Variants in SMAD6 observed in about 807,000 individuals in gnomAD.
The protein encoded by SMAD6 is MAD homolog 6.
In SMAD6, 103 loss-of-function variants were observed where a neutral mutation model predicts 39.4. The ratio of observed to expected loss-of-function variants is 2.62; its 90% CI spans 2.23 to 3.08. The LOEUF (loss-of-function observed/expected upper bound fraction) is 3.08. Ranked by LOEUF, SMAD6 falls within the 30% of genes most tolerant of loss-of-function variation. The pLI is 0.00. For missense variants in SMAD6, 1,104 were observed against 742.9 expected (o/e 1.49, Z -5.65); for synonymous variants, 445 against 353.3 (o/e 1.26, Z -2.91).
In SMAD6 at chr15:66,781,128, C is replaced by T. The variant is rs1894556452; in HGVS notation, c.1084C>T (p.Gln362Ter). 1.9e-6 allele frequency: 3 copies of T among 1,608,892 alleles called. No homozygotes were observed. The highest frequency in any genetic ancestry group is 2.5e-6 in the Non-Finnish European group (3 of 1,179,768). ...CGTCAGCATCTTCTACGACCTACCT[C>T]AGGGCAGCGGCTTCTGCCTGGGCCA... is the stretch of plus-strand genomic sequence containing the variant. ...QAVSIFYDLP[Q>*]GSGFCLGQLN... Residue 362 changes from glutamine to a stop codon, truncating the protein, a stop_gained, in exon 4 of 4, where the codon CAG becomes TAG. Transcript: ENST00000288840. LOFTEE classifies it high-confidence loss of function.
At chr15:66,764,464 A>G (rs1567111333) in intron 3 of SMAD6, among the ~76,000 whole-genome samples, 1 of 152,088 alleles carries the variant, frequency 6.6e-6, no homozygotes, top group Non-Finnish European at 1.5e-5. Flanking sequence ...AAGAGACAAA[A>G]GCGTCCCTTC....
At position 66,704,034 on chromosome 15, in the gene SMAD6, T is replaced by A; in HGVS notation, c.776T>A (p.Val259Glu). 6.6e-7 allele frequency: 1 copy of A among 1,513,794 alleles called. No homozygotes were observed. Among genetic ancestry groups the A allele is most frequent in the East Asian group, 2.8e-5 (1 of 35,808 alleles). 93.8% of individuals were successfully genotyped at this position (1,513,794 alleles called of 1,614,324 possible). The change falls in exon 1 of 4, where the codon GTG becomes GAG. Residue 259 changes from valine to glutamate, a missense_variant. Coordinates refer to ENST00000288840, the MANE Select transcript of SMAD6 (RefSeq NM_005585.5). The stretch of plus-strand genomic sequence containing the variant: ...GCCGCCGCCGCCGACGGCCCTACCG[T>A]GTGCTGCAACCCCTACCACTTCAGC... ...SFAAAADGPT[V>E]CCNPYHFSRL...
chr15:66,757,127 C>T (rs1342734328), intron 3 of SMAD6, among the ~76,000 whole-genome samples: 1 of 152,170 alleles, frequency 6.6e-6, no homozygotes, highest in Non-Finnish European at 1.5e-5. Flanking sequence ...ACGTGATAGT[C>T]CTCGTCTCCC....
chr15:66,717,063 C>T (rs1893343775), intron 3 of SMAD6: 5 of 1,289,112 alleles, frequency 3.9e-6, no homozygotes, highest in Non-Finnish European at 5.1e-6. Context: ...TCCTCTGTCC[C>T]CTGCAGTTAG....
chr15:66,781,190 A>C lies in SMAD6; in HGVS notation c.1146A>C (p.Arg382=), dbSNP rs755122573. The C allele has an allele frequency of 2.4e-5, 38 of 1,607,990 alleles. No homozygotes were observed. The highest frequency in any genetic ancestry group is 3.1e-5 in the Non-Finnish European group (37 of 1,179,738). ...AGCAGCGCAGCGAGTCGGTGCGGCGAACGCGCAGCAAGATCGGCTTCGGCA... is the reference window on the plus strand; with the variant it reads ...AGCAGCGCAGCGAGTCGGTGCGGCGCACGCGCAGCAAGATCGGCTTCGGCA... ...NLEQRSESVR[R]TRSKIGFGIL... The change falls in exon 4 of 4, where the codon CGA becomes CGC. Residue 382 remains arginine, a synonymous_variant. Coordinates refer to ENST00000288840, the MANE Select transcript of SMAD6 (RefSeq NM_005585.5).
intron 3 of SMAD6, among the ~76,000 whole-genome samples, chr15:66,780,189 CAGA>C (rs1217525935): frequency 1.3e-5 from 2 of 152,172 alleles, no homozygotes; most frequent in Non-Finnish European, 2.9e-5. Flanking sequence ...CTCTGCCATG[CAGA>C]AGTAGCTGCA....
At chr15:66,715,407 G>A (rs1893309423) in intron 2 of SMAD6, among the ~76,000 whole-genome samples, 1 of 152,202 alleles carries the variant, frequency 6.6e-6, no homozygotes, top group African/African-American at 2.4e-5. Flanking sequence ...TGAGGGCCTG[G>A]GCAAACGGTT....
rs2043206421 is a variant in SMAD6, at chr15:66,716,337, C to CA, written c.875-83dup. 8.4e-6 allele frequency: 8 copies of CA among 955,800 alleles called. No individual in the cohort carries two copies. In the South Asian group the frequency reaches 1.0e-4, roughly 12 times the overall value. The allele number at this position is 955,800 out of a possible 1,614,324, so 59.2% of individuals were successfully genotyped here. A position where few individuals can be genotyped will look rare whatever the true frequency, so the allele number is the denominator to read the frequency against. On this transcript the variant is annotated intron_variant, in intron 2 of 3. Transcript: ENST00000288840. ...AAGCACACACATCCACACACGTGCA[C>CA]ATGTACAGAGATGCATGAGAAAGAA...
chr15:66,748,468 A>G (rs991188914), intron 3 of SMAD6, among the ~76,000 whole-genome samples: 5 of 152,230 alleles, frequency 3.3e-5, no homozygotes, highest in Admixed American at 6.5e-5. Context: ...AAATAGCACC[A>G]TTCACGCAGC....
chr15:66,729,844 G>A (rs756395134), intron 3 of SMAD6, among the ~76,000 whole-genome samples: 1 of 152,164 alleles, frequency 6.6e-6, no homozygotes, highest in Non-Finnish European at 1.5e-5. Flanking sequence ...CATCAAAGGC[G>A]GCACCGCGGC....
chr15:66,729,941 G>A (rs1346541625), intron 3 of SMAD6, among the ~76,000 whole-genome samples: 2 of 151,556 alleles, frequency 1.3e-5, no homozygotes, highest in Admixed American at 1.3e-4. Context: ...GGCCTGGGCT[G>A]CAGGAAAAAC....
intron 3 of SMAD6, among the ~76,000 whole-genome samples, chr15:66,743,376 C>T (rs904576160): frequency 2.0e-5 from 3 of 151,508 alleles, no homozygotes; most frequent in Admixed American, 6.6e-5. Context: ...GGCATGGAGT[C>T]GGTTTCTGCA....
At chr15:66,767,153 G>T (rs1169886904) in intron 3 of SMAD6, among the ~76,000 whole-genome samples, 3 of 152,202 alleles carry the variant, frequency 2.0e-5, no homozygotes, top group Admixed American at 2.0e-4. Flanking sequence ...GTGGGCCATG[G>T]GGTAGTCACC....
rs554547468 is a variant in SMAD6 at position 66,711,218 on chromosome 15, G to A, written c.818-450G>A. Among the ~76,000 whole-genome samples, 8 of 152,260 alleles carry A rather than the reference G, an allele frequency of 5.3e-5. No homozygotes were observed. The South Asian group carries it at 1.0e-3, about 20-fold the overall frequency. On this transcript the variant is annotated intron_variant, in intron 1 of 3. Transcript: ENST00000288840. ...AAAACTCAAATGTAACTGAGCATCCGGTATTTTATCCAGCAACCCTGGCTC... is the reference window on the plus strand; with the variant it reads ...AAAACTCAAATGTAACTGAGCATCCAGTATTTTATCCAGCAACCCTGGCTC...
intron 2 of SMAD6, among the ~76,000 whole-genome samples, chr15:66,712,363 C>T (rs988473324): frequency 4.6e-5 from 7 of 152,252 alleles, no homozygotes; most frequent in African/African-American, 1.7e-4. Flanking sequence ...AGATGATCAG[C>T]CCATATTCTG....
rs1391818962 is a variant in SMAD6, at chr15:66,752,041, T to A, written c.953-28956T>A. On this transcript the variant is annotated intron_variant, in intron 3 of 3. Transcript: ENST00000288840. ...AAAACCCCCTTCATTTAATGGCACC[T>A]TTTTTTTTTTTTTTTTTTCAGGCAG... Among the ~76,000 whole-genome samples the A allele has an allele frequency of 3.1e-3, 32 of 10,260 alleles. No individual in the cohort carries two copies. In the Admixed American group the frequency reaches 0.056, roughly 18 times the overall value. 6.7% of individuals were successfully genotyped at this position (10,260 alleles called of 152,430 possible).
chr15:66,778,098 T>G (rs181643052), intron 3 of SMAD6, among the ~76,000 whole-genome samples: 1 of 151,622 alleles, frequency 6.6e-6, no homozygotes, highest in Admixed American at 6.5e-5. Context: ...TTTTTTTTTT[T>G]TTGAGACAAG....
rs750572845 is a variant in SMAD6 at position 66,703,288 on chromosome 15, G to A, written c.30G>A (p.Val10=). 2 of 1,492,064 alleles carry A rather than the reference G, an allele frequency of 1.3e-6. No homozygotes were observed. The highest frequency in any genetic ancestry group is 1.3e-5 in the South Asian group (1 of 78,354). The allele number at this position is 1,492,064 out of a possible 1,614,324, so 92.4% of individuals were successfully genotyped here. MFRSKRSGL[V]RRLWRSRVVP... is the part of the protein sequence containing the mutation. ...TCAGGTCCAAACGCTCGGGGCTGGT[G>A]CGGCGACTTTGGCGAAGTCGTGTGG... is the stretch of plus-strand genomic sequence containing the variant. Residue 10 remains valine, a synonymous_variant, in exon 1 of 4, where the codon GTG becomes GTA. Coordinates refer to ENST00000288840, the MANE Select transcript of SMAD6 (RefSeq NM_005585.5).
chr15:66,709,994 C>T lies in SMAD6; in HGVS notation c.818-1674C>T, dbSNP rs568522124. Among the ~76,000 whole-genome samples the T allele has an allele frequency of 7.2e-5, 11 of 152,316 alleles. No homozygotes were observed. In the East Asian group the frequency reaches 7.7e-4, roughly 11 times the overall value. ...TGTCTGTGTCCACATTTAGTGAGCGCGTTCTGTGCAGGTGGTGTCCCAGAC... is the reference window on the plus strand; with the variant it reads ...TGTCTGTGTCCACATTTAGTGAGCGTGTTCTGTGCAGGTGGTGTCCCAGAC... On this transcript the variant is annotated intron_variant, in intron 1 of 3. Coordinates refer to ENST00000288840, the MANE Select transcript of SMAD6 (RefSeq NM_005585.5).
Sources: gnomAD v4.1 joint callset for allele counts (sites outside exome capture counted in the v4.1 genomes callset) on GRCh38, gnomAD v4.1.1 for gene constraint, MANE v1.5 for transcripts, NCBI Gene and HGNC (gene_info 2026-07-23, HGNC 2026-07-21) for gene names.